EXTL3: variants seen among roughly 807,000 people sequenced by gnomAD.
The protein encoded by EXTL3 is exostosin-like 3.
A neutral mutation model predicts 69.3 loss-of-function variants in EXTL3; 27 were observed. The observed-to-expected ratio is 0.39, with a 90% confidence interval of 0.29 to 0.54. EXTL3 has a LOEUF of 0.54. Ranked by LOEUF, EXTL3 falls within the 20% of genes least tolerant of loss-of-function variation. The pLI is 0.69. For missense variants in EXTL3, 1,003 were observed against 1,231.8 expected, an observed-to-expected ratio of 0.81 and a Z score of 2.78; for synonymous variants, 511 against 499.4, an observed-to-expected ratio of 1.02 and a Z score of -0.31.
At chr8:28,642,115 G>A (rs1454016745) in intron 1 of EXTL3, among the ~76,000 whole-genome samples, 1 of 152,142 alleles carries the variant, frequency 6.6e-6, no homozygotes, top group Non-Finnish European at 1.5e-5. Context: ...GATTACAGGC[G>A]TGAGCCACCG....
chr8:28,746,670 T>C (rs1231214935), intron 6 of EXTL3, among the ~76,000 whole-genome samples: 2 of 146,710 alleles, frequency 1.4e-5, no homozygotes, highest in Non-Finnish European at 3.1e-5. Flanking sequence ...GGATGCAGTC[T>C]TAAATGGTTT....
intron 1 of EXTL3, among the ~76,000 whole-genome samples, chr8:28,703,672 A>G (rs900109794): frequency 1.6e-4 from 25 of 152,088 alleles, no homozygotes; most frequent in Admixed American, 1.1e-3. Flanking sequence ...TAGGAGAAAA[A>G]TGAAGTCCCA....
intron 3 of EXTL3, among the ~76,000 whole-genome samples, chr8:28,719,430 C>T (rs1453772329): frequency 6.6e-6 from 1 of 152,214 alleles, no homozygotes; most frequent in Non-Finnish European, 1.5e-5. Context: ...TGACTTCACT[C>T]ATAAAGGCTT....
At chr8:28,748,628 T>G (rs1260113962) in intron 6 of EXTL3, among the ~76,000 whole-genome samples, 2 of 152,198 alleles carry the variant, frequency 1.3e-5, no homozygotes, top group African/African-American at 4.8e-5. Context: ...ATCACTCATG[T>G]GAAGGAGTGT....
intron 1 of EXTL3, among the ~76,000 whole-genome samples, chr8:28,676,456 T>C (rs1485993773): frequency 6.6e-6 from 1 of 152,126 alleles, no homozygotes; most frequent in Non-Finnish European, 1.5e-5. Flanking sequence ...ATTATTGACA[T>C]TGATGCAGAG....
intron 1 of EXTL3, among the ~76,000 whole-genome samples, chr8:28,667,351 C>T (rs1488448833): frequency 6.6e-6 from 1 of 152,110 alleles, no homozygotes; most frequent in East Asian, 1.9e-4. Context: ...AGGATGAGGC[C>T]TGGTCAAGAA....
At chr8:28,666,953 A>T (rs1289488356) in intron 1 of EXTL3, among the ~76,000 whole-genome samples, 1 of 152,154 alleles carries the variant, frequency 6.6e-6, no homozygotes, top group Non-Finnish European at 1.5e-5. Context: ...CTTACCTTGC[A>T]TAAAGGTCCC....
intron 1 of EXTL3, among the ~76,000 whole-genome samples, chr8:28,634,446 C>T (rs895660877): frequency 1.3e-5 from 2 of 152,118 alleles, no homozygotes; most frequent in Non-Finnish European, 2.9e-5. Flanking sequence ...TTATCCTCTG[C>T]GGGTCCCTCC....
intron 3 of EXTL3, among the ~76,000 whole-genome samples, chr8:28,727,308 C>T (rs1801434907): frequency 6.6e-6 from 1 of 152,146 alleles, no homozygotes; most frequent in Non-Finnish European, 1.5e-5. Flanking sequence ...GCCCTGTGTT[C>T]CTGGAGTCCT....
intron 2 of EXTL3, among the ~76,000 whole-genome samples, chr8:28,611,869 G>C (rs1262522917): frequency 6.6e-6 from 1 of 152,148 alleles, no homozygotes; most frequent in East Asian, 1.9e-4. Context: ...TGTTCGCTGC[G>C]ATGCCAGCCG....
rs191008591 is a variant in EXTL3 at position 28,675,417 on chromosome 8, G to A, written c.-52-38040G>A. On this transcript the variant is annotated intron_variant, in intron 1 of 6. Transcript: ENST00000523149. Reference sequence around the variant, plus strand: ...CTGTGGTCAGTATAGTCCAATTACCGTTAAGCTCCCTCTTTAAGATTCATA... The same window carrying A: ...CTGTGGTCAGTATAGTCCAATTACCATTAAGCTCCCTCTTTAAGATTCATA... Among the ~76,000 whole-genome samples, 124 of 152,212 alleles carry A rather than the reference G, an allele frequency of 8.1e-4. 1 individual carries two copies. Among genetic ancestry groups the A allele is most frequent in the Middle Eastern group, 3.4e-3 (1 of 294 alleles).
At chr8:28,696,565 CT>C (rs1042817418), upstream of EXTL3, 28 of 147,850 alleles carry the variant, frequency 1.9e-4, no homozygotes, top group Admixed American at 4.7e-4. Context: ...TACATATACA[CT>C]TTTTTTTTTT....
At chr8:28,679,186 G>A (rs1807438232) in intron 1 of EXTL3, among the ~76,000 whole-genome samples, 1 of 152,208 alleles carries the variant, frequency 6.6e-6, no homozygotes, top group African/African-American at 2.4e-5. Context: ...GCCGGTTCAC[G>A]CCTGTTATCC....
intron 2 of EXTL3, among the ~76,000 whole-genome samples, chr8:28,615,762 C>T (rs376592300): frequency 6.6e-5 from 10 of 151,544 alleles, no homozygotes; most frequent in South Asian, 2.1e-4. Flanking sequence ...TTAATAGAGA[C>T]GAGGTTTTAC....
intron 1 of EXTL3, among the ~76,000 whole-genome samples, chr8:28,651,367 C>G (rs973747431): frequency 2.0e-5 from 3 of 152,088 alleles, no homozygotes; most frequent in African/African-American, 7.2e-5. Context: ...ACTTTGTCCC[C>G]CACGCTGGAG....
intron 1 of EXTL3, among the ~76,000 whole-genome samples, chr8:28,662,848 T>C (rs974423342): frequency 6.6e-6 from 1 of 152,158 alleles, no homozygotes; most frequent in African/African-American, 2.4e-5. Context: ...AGGTCCAGGC[T>C]GCAGTGAGCT....
rs1238550723 is a variant in EXTL3 at position 28,649,654 on chromosome 8, A to C, written c.-53+26844A>C. Among the ~76,000 whole-genome samples, 8 of 152,076 alleles carry C rather than the reference A, an allele frequency of 5.3e-5. No individual in the cohort carries two copies. The East Asian group carries it at 1.5e-3, about 29-fold the overall frequency. ...CATGTGCCATGCAGGTATCTTCTCT[A>C]AGTCTCTTGCTTGTTTGTTTCCTTA... is the stretch of plus-strand genomic sequence containing the variant. On this transcript the variant is annotated intron_variant, in intron 1 of 6. Coordinates refer to the EXTL3 transcript ENST00000523149.
chr8:28,671,612 T>G (rs1807295945), intron 1 of EXTL3, among the ~76,000 whole-genome samples: 2 of 152,192 alleles, frequency 1.3e-5, no homozygotes, highest in Non-Finnish European at 2.9e-5. Flanking sequence ...GTGCTGGGAT[T>G]ACAGGCATGA....
chr8:28,672,189 G>A (rs1278876690), intron 1 of EXTL3, among the ~76,000 whole-genome samples: 5 of 152,086 alleles, frequency 3.3e-5, no homozygotes, highest in Non-Finnish European at 7.4e-5. Context: ...GCCAAGGTGG[G>A]TGGATCACGT....
Sources: allele counts gnomAD v4.1 joint callset (sites outside exome capture counted in the v4.1 genomes callset), GRCh38; gene constraint gnomAD v4.1.1; transcripts MANE v1.5; gene names NCBI Gene and HGNC (gene_info 2026-07-23, HGNC 2026-07-21).